TSHZ3: variants seen among roughly 807,000 people sequenced by gnomAD.
The protein encoded by TSHZ3 is teashirt zinc finger homeobox 3, also known as teashirt homolog 3.
In TSHZ3, 10 loss-of-function variants were observed where a neutral mutation model predicts 64.5. That is an observed-to-expected ratio of 0.16 (90% CI 0.10 to 0.26). The LOEUF (loss-of-function observed/expected upper bound fraction) is 0.26. TSHZ3 is among the 10% of genes least tolerant of loss of function. TSHZ3 has a pLI of 1.00. For synonymous variants in TSHZ3, 608 were observed against 593.1 expected (o/e 1.03, Z -0.36); for missense variants, 1,242 against 1,421.7 (o/e 0.87, Z 2.03).
At chr19:31,306,341 A>G (rs1417542194) in intron 1 of TSHZ3, among the ~76,000 whole-genome samples, 1 of 152,216 alleles carries the variant, frequency 6.6e-6, no homozygotes, top group South Asian at 2.1e-4. Flanking sequence ...CCTAACAGTC[A>G]AATGTCTATC....
At chr19:31,273,738 T>C (rs1976178479), downstream of TSHZ3, among the ~76,000 whole-genome samples, 1 of 152,092 alleles carries the variant, frequency 6.6e-6, no homozygotes, top group African/African-American at 2.4e-5. Context: ...GAGGGAAACA[T>C]ATGTGTCCTT....
At chr19:31,347,195 A>T (rs1054983903) in intron 1 of TSHZ3, among the ~76,000 whole-genome samples, 1 of 151,644 alleles carries the variant, frequency 6.6e-6, no homozygotes, top group South Asian at 2.1e-4. Flanking sequence ...TTTCTTTAAA[A>T]AAAAAAAAAA....
chr19:31,185,060 A>G lies in TSHZ3; in HGVS notation n.809+19896T>C, dbSNP rs1253607140. 4.6e-5 allele frequency among the ~76,000 whole-genome samples: 7 copies of G among 151,574 alleles called. 1 individual carries two copies. The South Asian group carries it at 1.5e-3, about 32-fold the overall frequency. On this transcript the variant is annotated intron_variant and non_coding_transcript_variant, in intron 5 of 6. Transcript: ENST00000651361. ...CACCTTTCTCAGCCTCTAGAGTTTG[A>G]AGGTAAAAATTTTATGTTAAAAAAA...
At chr19:31,312,398 C>T (rs115762068) in intron 1 of TSHZ3, among the ~76,000 whole-genome samples, 260 of 152,306 alleles carry the variant, frequency 1.7e-3, no homozygotes, top group African/African-American at 6.1e-3. Context: ...CTCCATTGCA[C>T]TCATCACACT....
intron 1 of TSHZ3, among the ~76,000 whole-genome samples, chr19:31,282,139 A>G (rs1976372407): frequency 6.6e-6 from 1 of 152,140 alleles, no homozygotes; most frequent in Non-Finnish European, 1.5e-5. Flanking sequence ...GTGCATGCAT[A>G]TATGATGTTT....
At chr19:31,318,259 G>A (rs903016439) in intron 1 of TSHZ3, among the ~76,000 whole-genome samples, 2 of 152,154 alleles carry the variant, frequency 1.3e-5, no homozygotes, top group Non-Finnish European at 1.5e-5. Context: ...TTTTATGTCT[G>A]ATAGGAGCCT....
chr19:31,340,874 G>T (rs909077544), intron 1 of TSHZ3, among the ~76,000 whole-genome samples: 11 of 152,222 alleles, frequency 7.2e-5, no homozygotes, highest in Non-Finnish European at 1.6e-4. Context: ...GCTAAAGCTG[G>T]CAGCAAGACC....
intron 5 of TSHZ3, among the ~76,000 whole-genome samples, chr19:31,159,893 T>C (rs758326239): frequency 6.6e-6 from 1 of 152,142 alleles, no homozygotes; most frequent in Non-Finnish European, 1.5e-5. Context: ...GGTCTCACTA[T>C]GTTGCCCAGG....
intron 3 of TSHZ3, among the ~76,000 whole-genome samples, chr19:31,230,312 T>C (rs1366483796): frequency 6.6e-6 from 1 of 152,120 alleles, no homozygotes; most frequent in Non-Finnish European, 1.5e-5. Context: ...TTTTTGTTTT[T>C]AAAAAATGTA....
At chr19:31,286,369 T>G (rs1976465033) in intron 1 of TSHZ3, among the ~76,000 whole-genome samples, 2 of 152,136 alleles carry the variant, frequency 1.3e-5, no homozygotes, top group African/African-American at 4.8e-5. Context: ...GAAGCCCACA[T>G]GATGGAAAAA....
Position 31,276,984 on chromosome 19 carries a change from T to C in TSHZ3, c.2809A>G (p.Arg937Gly). 1 of 1,613,508 alleles carries C rather than the reference T, an allele frequency of 6.2e-7. No homozygotes were observed. Among genetic ancestry groups the C allele is most frequent in the Non-Finnish European group, 8.5e-7 (1 of 1,179,478 alleles). ...GTGGTCATGGACAGCCCGGTGAACC[T>C]GGAGATATGCATCCGCTCCTGGGGG... The part of the protein sequence containing the change: ...LSPQERMHIS[R>G]FTGLSMTTIS... The change falls in exon 2 of 2, where the codon AGG becomes GGG. Residue 937 changes from arginine (R) to glycine (G), a missense_variant. By Grantham distance (125) the Arg-to-Gly change is moderately radical. Around this residue, in one of 4 missense-constraint regions of TSHZ3, gnomAD observed 550 missense variants for 545.1 expected, o/e 1.01. Transcript: ENST00000240587.
At chr19:31,166,474 T>G (rs1265960508) in intron 5 of TSHZ3, among the ~76,000 whole-genome samples, 1 of 152,134 alleles carries the variant, frequency 6.6e-6, no homozygotes, top group Non-Finnish European at 1.5e-5. Context: ...GAGCCAGGCC[T>G]TGGAGCAACT....
intron 1 of TSHZ3, among the ~76,000 whole-genome samples, chr19:31,294,294 GACTCAGCCAGC>G (rs971398204): frequency 3.1e-4 from 47 of 152,074 alleles, no homozygotes; most frequent in Admixed American, 5.2e-4. Context: ...TCTCATCCAG[GACTCAGCCAGC>G]ACTTAGCCAA....
chr19:31,279,759 T>C lies in TSHZ3; in HGVS notation c.41-7A>G. 6.8e-7 allele frequency: 1 copy of C among 1,479,302 alleles called. No homozygotes were observed. The highest frequency in any genetic ancestry group is 9.0e-7 in the Non-Finnish European group (1 of 1,115,454). 91.6% of individuals were successfully genotyped at this position (1,479,302 alleles called of 1,614,324 possible). ...AACTCTTCGGAAACATAGGCTGCCATGATAACAGGTGGGAAAGAGAGACAG... is the reference window on the plus strand; with the variant it reads ...AACTCTTCGGAAACATAGGCTGCCACGATAACAGGTGGGAAAGAGAGACAG... On this transcript the variant is annotated splice_region_variant and splice_polypyrimidine_tract_variant and intron_variant, in intron 1 of 1. Transcript: ENST00000240587. The surrounding 1 kb of genome is among the most constrained non-coding windows in gnomAD (Gnocchi z 6.4).
intron 3 of TSHZ3, among the ~76,000 whole-genome samples, chr19:31,228,884 T>G (rs1264392391): frequency 6.6e-6 from 1 of 152,180 alleles, no homozygotes; most frequent in East Asian, 1.9e-4. Context: ...AGGAGGGGCA[T>G]GCACTACCTC....
intron 4 of TSHZ3, among the ~76,000 whole-genome samples, chr19:31,220,114 T>C (rs890117004): frequency 6.6e-6 from 1 of 152,266 alleles, no homozygotes; most frequent in Non-Finnish European, 1.5e-5. Context: ...CAACTGGATA[T>C]CTGTATGAAA....
chr19:31,332,314 A>C (rs927125203), intron 1 of TSHZ3, among the ~76,000 whole-genome samples: 1 of 152,210 alleles, frequency 6.6e-6, no homozygotes, highest in Admixed American at 6.5e-5. Flanking sequence ...CTAACTGCTT[A>C]ATACCCCTGG....
chr19:31,337,640 G>A (rs1917289591), intron 1 of TSHZ3, among the ~76,000 whole-genome samples: 2 of 151,760 alleles, frequency 1.3e-5, no homozygotes, highest in South Asian at 4.1e-4. Context: ...GGCAGCAGCT[G>A]GACAACACCA....
At chr19:31,236,340 T>A (rs534478971) in intron 3 of TSHZ3, among the ~76,000 whole-genome samples, 1 of 152,290 alleles carries the variant, frequency 6.6e-6, no homozygotes, top group Admixed American at 6.5e-5. Flanking sequence ...TGTAACAAAG[T>A]GTCAGGTGAT....
Sources: allele counts gnomAD v4.1 joint callset (sites outside exome capture counted in the v4.1 genomes callset), GRCh38; gene constraint gnomAD v4.1.1; regional missense constraint gnomAD v4.1.1; non-coding constraint Gnocchi (gnomAD v3.1); transcripts MANE v1.5; gene names NCBI Gene and HGNC (gene_info 2026-07-23, HGNC 2026-07-21).